WWOX: variants seen among roughly 807,000 people sequenced by gnomAD.
The protein encoded by WWOX is WW domain containing oxidoreductase, also known as WW domain-containing oxidoreductase.
Under a neutral mutation model 46.2 loss-of-function variants are expected in WWOX, and 69 were observed. The ratio of observed to expected loss-of-function variants is 1.49; its 90% CI spans 1.23 to 1.82. WWOX has a LOEUF of 1.82. WWOX is among the 40% of genes most tolerant of loss of function. WWOX has a pLI of 0.00. For synonymous variants in WWOX, 359 were observed against 202.6 expected (o/e 1.77, Z -6.56); for missense variants, 919 against 542.6 (o/e 1.69, Z -6.89).
intron 8 of WWOX, among the ~76,000 whole-genome samples, chr16:79,122,925 A>C (rs115554465): frequency 6.6e-6 from 1 of 152,192 alleles, no homozygotes; most frequent in African/African-American, 2.4e-5. Context: ...TGAGGCAGCA[A>C]TGGGACCCTT....
intron 8 of WWOX, among the ~76,000 whole-genome samples, chr16:79,175,927 C>T (rs1275233717): frequency 6.6e-6 from 1 of 152,166 alleles, no homozygotes; most frequent in Non-Finnish European, 1.5e-5. Context: ...GTAATCTCTA[C>T]CTGAGTTCCA....
intron 8 of WWOX, among the ~76,000 whole-genome samples, chr16:79,128,742 A>T (rs1018284013): frequency 6.6e-6 from 1 of 152,214 alleles, no homozygotes; most frequent in South Asian, 2.1e-4. Flanking sequence ...GTGCATTTGT[A>T]AGCCAGTAGG....
rs116361971 is a variant in WWOX, at chr16:78,844,218, G to C, written c.1057-367390G>C. 6.4e-3 allele frequency among the ~76,000 whole-genome samples: 968 copies of C among 152,240 alleles called. 17 individuals carry two copies. Among genetic ancestry groups the C allele is most frequent in the African/African-American group, 0.022 (918 of 41,538 alleles). ...CCCCTCTTTTGGAAACCAGAGTTTA[G>C]TTGTGCTATTCTTAGCCCAAGAGAG... On this transcript the variant is annotated intron_variant, in intron 8 of 8. Transcript: ENST00000566780.
intron 8 of WWOX, among the ~76,000 whole-genome samples, chr16:78,846,605 A>G (rs967964953): frequency 6.6e-6 from 1 of 152,140 alleles, no homozygotes; most frequent in African/African-American, 2.4e-5. Context: ...AGGATGTGTA[A>G]TGTGAAAATA....
At chr16:78,155,959 G>T (rs1173410046) in intron 4 of WWOX, among the ~76,000 whole-genome samples, 4 of 152,150 alleles carry the variant, frequency 2.6e-5, no homozygotes, top group Non-Finnish European at 5.9e-5. Context: ...TGTCCTTCCT[G>T]TTAAACTATC....
chr16:78,768,660 G>T (rs1220055166), intron 8 of WWOX, among the ~76,000 whole-genome samples: 1 of 151,970 alleles, frequency 6.6e-6, no homozygotes, highest in Admixed American at 6.6e-5. Context: ...ATTTTCAGAG[G>T]TTGTGAAATT....
chr16:79,167,750 G>T (rs955520853), intron 8 of WWOX, among the ~76,000 whole-genome samples: 1 of 152,202 alleles, frequency 6.6e-6, no homozygotes, highest in African/African-American at 2.4e-5. Flanking sequence ...TAGTTGAGAT[G>T]AAATTCACGT....
chr16:78,526,566 A>T (rs1035827117), intron 8 of WWOX: 15 of 152,158 alleles, frequency 9.9e-5, no homozygotes, highest in African/African-American at 3.4e-4. Flanking sequence ...TAGGGCAAAC[A>T]GGTGTCCCCC....
chr16:78,655,657 T>C (rs2047064134), intron 8 of WWOX, among the ~76,000 whole-genome samples: 1 of 152,176 alleles, frequency 6.6e-6, no homozygotes, highest in African/African-American at 2.4e-5. Context: ...TACGGTCATT[T>C]ATATCAACAG....
intron 8 of WWOX, among the ~76,000 whole-genome samples, chr16:78,884,360 A>G (rs937459244): frequency 7.2e-5 from 11 of 152,088 alleles, no homozygotes; most frequent in African/African-American, 2.4e-4. Context: ...AGACAAGTAC[A>G]AGAGTGTGTT....
At chr16:78,387,207 C>G (rs1439152264) in intron 6 of WWOX, among the ~76,000 whole-genome samples, 1 of 152,112 alleles carries the variant, frequency 6.6e-6, no homozygotes, top group Non-Finnish European at 1.5e-5. Flanking sequence ...GTAAAAGTGG[C>G]TAATAAAAGC....
In WWOX at chr16:78,730,028, A is replaced by G. The variant is rs1229260472; in HGVS notation, c.1056+297276A>G. Among the ~76,000 whole-genome samples, 6 of 152,274 alleles carry G rather than the reference A, an allele frequency of 3.9e-5. No homozygotes were observed. The East Asian group carries it at 1.2e-3, about 29-fold the overall frequency. On this transcript the variant is annotated intron_variant, in intron 8 of 8. Transcript: ENST00000566780. ...CTTGTGTTACTTCCAGTTGTTTCTT[A>G]TGATAAGTAACAGTGACTTTGATAT...
intron 6 of WWOX, among the ~76,000 whole-genome samples, chr16:78,409,207 T>G (rs1055736722): frequency 1.3e-5 from 2 of 152,174 alleles, no homozygotes; most frequent in Non-Finnish European, 1.5e-5. Context: ...AAAAAAAATT[T>G]TTTTTTGTAA....
At chr16:78,237,072 T>TTAA (rs1386421679) in intron 5 of WWOX, among the ~76,000 whole-genome samples, 1 of 53,978 alleles carries the variant, frequency 1.9e-5, no homozygotes, top group African/African-American at 7.4e-5. Flanking sequence ...AGACTCCGTC[T>TTAA]CAAAAAAAAA....
intron 8 of WWOX, among the ~76,000 whole-genome samples, chr16:78,689,105 C>G (rs1247495838): frequency 1.3e-5 from 2 of 152,146 alleles, no homozygotes; most frequent in Admixed American, 6.5e-5. Flanking sequence ...TGAGAACAGA[C>G]TAATACAGTC....
chr16:79,198,703 G>T (rs185034277), intron 8 of WWOX, among the ~76,000 whole-genome samples: 1 of 152,272 alleles, frequency 6.6e-6, no homozygotes, highest in East Asian at 1.9e-4. Flanking sequence ...TGTGACCTGG[G>T]GCAGGTTGCT....
chr16:78,458,489 G>C (rs967808562), intron 8 of WWOX, among the ~76,000 whole-genome samples: 4 of 152,118 alleles, frequency 2.6e-5, no homozygotes, highest in East Asian at 1.9e-4. Flanking sequence ...TGGAACTCCT[G>C]TGCTCAAGCC....
intron 8 of WWOX, among the ~76,000 whole-genome samples, chr16:78,947,737 T>A (rs1240269890): frequency 1.3e-5 from 2 of 152,224 alleles, no homozygotes; most frequent in Admixed American, 1.3e-4. Context: ...ATGTGCCACC[T>A]AGATGCTATT....
At chr16:78,846,817 C>G (rs754787452) in intron 8 of WWOX, among the ~76,000 whole-genome samples, 1 of 152,176 alleles carries the variant, frequency 6.6e-6, no homozygotes, top group African/African-American at 2.4e-5. Flanking sequence ...CTGTGGTATT[C>G]TCATGACTGA....
Sources: allele counts gnomAD v4.1 joint callset (sites outside exome capture counted in the v4.1 genomes callset), GRCh38; gene constraint gnomAD v4.1.1; transcripts MANE v1.5; gene names NCBI Gene and HGNC (gene_info 2026-07-23, HGNC 2026-07-21).